MGMT: variants seen among roughly 807,000 people sequenced by gnomAD.
MGMT encodes O-6-methylguanine-DNA methyltransferase.
MGMT carries 14 observed loss-of-function variants against 15.9 expected under a neutral mutation model. That is an observed-to-expected ratio of 0.88 (90% CI 0.58 to 1.37). The LOEUF (loss-of-function observed/expected upper bound fraction) is 1.37, where lower values mean the gene tolerates loss of function less well. Ranked by LOEUF, MGMT falls within the 40% of genes most tolerant of loss-of-function variation. The probability of loss-of-function intolerance (pLI) is 0.00; values close to 1 mark genes in which losing one functional copy is unlikely to be tolerated. For missense variants in MGMT, 282 were observed against 268.1 expected (o/e 1.05, Z -0.36); for synonymous variants, 130 against 118.2 (o/e 1.10, Z -0.65).
chr10:129,476,490 T>C (rs1202344654), intron 1 of MGMT, among the ~76,000 whole-genome samples: 3 of 152,174 alleles, frequency 2.0e-5, no homozygotes, highest in African/African-American at 7.2e-5. Flanking sequence ...GAGAAGCAGC[T>C]CCGTGGTCTC....
chr10:129,736,619 T>G (rs1006162882), intron 3 of MGMT, among the ~76,000 whole-genome samples: 2 of 152,080 alleles, frequency 1.3e-5, no homozygotes, highest in African/African-American at 4.8e-5. Flanking sequence ...GTTAGCTGGT[T>G]ATTTTGCTCG....
chr10:129,717,011 A>G (rs1293118505), intron 3 of MGMT, among the ~76,000 whole-genome samples: 8 of 152,172 alleles, frequency 5.3e-5, no homozygotes. Context: ...GTGCCGCTCC[A>G]CTCTCCGAAT....
intron 3 of MGMT, among the ~76,000 whole-genome samples, chr10:129,719,683 C>T (rs1848346337): frequency 6.6e-6 from 1 of 152,128 alleles, no homozygotes; most frequent in African/African-American, 2.4e-5. Context: ...CCTGAACAAC[C>T]GAATGAGAAC....
In MGMT at chr10:129,475,005, G is replaced by C. The variant is rs113389724; in HGVS notation, c.-13+7709G>C. 1.7e-3 allele frequency among the ~76,000 whole-genome samples: 253 copies of C among 152,260 alleles called. 1 individual carries two copies. Among genetic ancestry groups the C allele is most frequent in the African/African-American group, 5.9e-3 (245 of 41,528 alleles). The stretch of plus-strand genomic sequence containing the variant: ...AGGTGAAGAGCCTGGCCTTTGTTGG[G>C]GGGGGTGTTGGGGAGCTTGGTAAGT... On this transcript the variant is annotated intron_variant, in intron 1 of 4. Coordinates refer to ENST00000651593, the MANE Select transcript of MGMT (RefSeq NM_002412.5).
intron 2 of MGMT, chr10:129,694,205 G>A (rs1306282335): frequency 6.6e-6 from 1 of 152,288 alleles, no homozygotes; most frequent in Non-Finnish European, 1.5e-5. Flanking sequence ...TGAGGTACCA[G>A]TTGAAGGGTT....
intron 3 of MGMT, among the ~76,000 whole-genome samples, chr10:129,715,915 T>C (rs12573116): frequency 2.0e-5 from 3 of 152,148 alleles, no homozygotes; most frequent in Non-Finnish European, 2.9e-5. Context: ...TTATATGTTG[T>C]TTCATGTGTC....
chr10:129,551,910 C>G (rs1402955276), intron 2 of MGMT, among the ~76,000 whole-genome samples: 4 of 152,138 alleles, frequency 2.6e-5, no homozygotes, highest in African/African-American at 9.7e-5. Flanking sequence ...CGCTGAGTAC[C>G]AAAGGCGAGT....
At chr10:129,725,162 G>A (rs182127504) in intron 3 of MGMT, among the ~76,000 whole-genome samples, 22 of 152,290 alleles carry the variant, frequency 1.4e-4, no homozygotes, top group African/African-American at 4.3e-4. Context: ...GTGTGGTGTC[G>A]CCTTGCAGCC....
At chr10:129,733,511 C>G (rs201017622) in intron 3 of MGMT, among the ~76,000 whole-genome samples, 33,091 of 146,128 alleles carry the variant, frequency 0.23, 4,178 homozygotes, top group East Asian at 0.41. Context: ...TTGTAGGTTG[C>G]CTGTTCACTC....
At chr10:129,679,701 T>C (rs1243313490) in intron 2 of MGMT, among the ~76,000 whole-genome samples, 1 of 152,196 alleles carries the variant, frequency 6.6e-6, no homozygotes, top group Non-Finnish European at 1.5e-5. Context: ...TTTTATTTTT[T>C]ATTCAGCATT....
At chr10:129,713,112 GA>G (rs1237878900) in intron 3 of MGMT, among the ~76,000 whole-genome samples, 2 of 152,006 alleles carry the variant, frequency 1.3e-5, no homozygotes, top group African/African-American at 4.8e-5. Context: ...CTGAACTTAA[GA>G]AAAAAATTAC....
At chr10:129,491,103 C>T (rs1845465255) in intron 1 of MGMT, among the ~76,000 whole-genome samples, 1 of 152,026 alleles carries the variant, frequency 6.6e-6, no homozygotes, top group Non-Finnish European at 1.5e-5. Flanking sequence ...CCAGTGCTCT[C>T]CATTGGTTCT....
chr10:129,607,442 T>A (rs1307657821), intron 2 of MGMT, among the ~76,000 whole-genome samples: 1 of 152,206 alleles, frequency 6.6e-6, no homozygotes, highest in Non-Finnish European at 1.5e-5. Context: ...CATTAAGTAA[T>A]TTTCAAGTGG....
Position 129,742,242 on chromosome 10 carries a change from T to C in MGMT, c.275-16960T>C, listed in dbSNP as rs1196757224. Among the ~76,000 whole-genome samples the C allele has an allele frequency of 2.0e-5, 3 of 152,288 alleles. No homozygotes were observed. In the South Asian group the frequency reaches 6.2e-4, roughly 32 times the overall value. On this transcript the variant is annotated intron_variant, in intron 3 of 4. Coordinates refer to ENST00000651593, the MANE Select transcript of MGMT (RefSeq NM_002412.5). ...TCCTTGTGTGGGAGGAGCCAGAAAC[T>C]CCCTTTTTTCTTAAAAGTTATTGGG...
intron 2 of MGMT, among the ~76,000 whole-genome samples, chr10:129,615,139 A>T (rs1010424062): frequency 1.3e-5 from 2 of 152,192 alleles, no homozygotes; most frequent in African/African-American, 4.8e-5. Context: ...ATATGGAGTG[A>T]GATGCCTATA....
intron 2 of MGMT, among the ~76,000 whole-genome samples, chr10:129,670,562 CAAAG>C (rs982583433): frequency 4.6e-5 from 7 of 151,920 alleles, no homozygotes; most frequent in African/African-American, 7.3e-5. Context: ...TTGAGAAAAT[CAAAG>C]AAACCAATAG....
chr10:129,718,055 G>T (rs1251463372), intron 3 of MGMT, among the ~76,000 whole-genome samples: 2 of 152,202 alleles, frequency 1.3e-5, no homozygotes, highest in African/African-American at 4.8e-5. Flanking sequence ...CTCTTTCTGT[G>T]TTAGCCAGCT....
In MGMT at chr10:129,767,630, G is replaced by GT. The variant is rs1368218371; in HGVS notation, c.*633_*634insT. ...CCATTTGCCAAGATTTGGAAAGACA[G>GT]AGAGCTCTCTGGACACGGGTTCGAT... On this transcript the variant is annotated 3_prime_UTR_variant, in exon 5 of 5. Transcript: ENST00000651593. The GT allele has an allele frequency of 6.6e-6, 1 of 152,302 alleles. No individual in the cohort carries two copies. Among genetic ancestry groups the GT allele is most frequent in the Non-Finnish European group, 1.5e-5 (1 of 68,084 alleles). The allele number at this position is 152,302 out of a possible 1,614,324, so 9.4% of individuals were successfully genotyped here. A position where few individuals can be genotyped will look rare whatever the true frequency, so the allele number is the denominator to read the frequency against.
intron 1 of MGMT, among the ~76,000 whole-genome samples, chr10:129,507,177 CTG>C (rs1049876719): frequency 9.2e-5 from 14 of 152,212 alleles, no homozygotes; most frequent in Non-Finnish European, 1.9e-4. Context: ...TGAAAGGTCT[CTG>C]TGAGCCGTCA....
Sources: allele counts gnomAD v4.1 joint callset (sites outside exome capture counted in the v4.1 genomes callset), GRCh38; gene constraint gnomAD v4.1.1; transcripts MANE v1.5; gene names NCBI Gene and HGNC (gene_info 2026-07-23, HGNC 2026-07-21).